The following KCND2 variants were observed in gnomAD, a reference collection of about 807,000 sequenced individuals.
KCND2 encodes the protein A-type voltage-gated potassium channel KCND2.
A neutral mutation model predicts 54.4 loss-of-function variants in KCND2; 16 were observed. The observed-to-expected ratio is 0.29, with a 90% CI of 0.20 to 0.45. The LOEUF is 0.45. Ranked by LOEUF, KCND2 falls within the 20% of genes least tolerant of loss-of-function variation. The pLI, the probability that KCND2 is intolerant of heterozygous loss-of-function variation, is 1.00. For synonymous variants in KCND2, 317 were observed against 310.7 expected (o/e 1.02, Z -0.21); for missense variants, 486 against 824.2 (o/e 0.59, Z 5.02).
At chr7:120,563,683 C>T (rs1383642764) in intron 1 of KCND2, among the ~76,000 whole-genome samples, 2 of 152,240 alleles carry the variant, frequency 1.3e-5, no homozygotes, top group South Asian at 4.1e-4. Context: ...CCAAACTGAA[C>T]CCTCACAGTA....
intron 1 of KCND2, among the ~76,000 whole-genome samples, chr7:120,496,478 GCAGTGGTGC>G (rs1802849366): frequency 6.6e-6 from 1 of 152,114 alleles, no homozygotes; most frequent in South Asian, 2.1e-4. Context: ...AGGCTGGAGT[GCAGTGGTGC>G]CATCTCGGCT....
intron 1 of KCND2, among the ~76,000 whole-genome samples, chr7:120,678,343 T>TTATATATATATATATATA (rs3067141): frequency 1.0e-4 from 12 of 120,272 alleles, no homozygotes; most frequent in East Asian, 5.6e-4. Context: ...GTATGATTAT[T>TTATATATATATATATATA]TATATATATA....
chr7:120,644,022 G>A (rs1159864496), intron 1 of KCND2, among the ~76,000 whole-genome samples: 1 of 151,828 alleles, frequency 6.6e-6, no homozygotes, highest in Non-Finnish European at 1.5e-5. Flanking sequence ...ATCTCAAAAT[G>A]AACTTTGGTG....
chr7:120,275,942 A>C (rs1018736474), intron 1 of KCND2, among the ~76,000 whole-genome samples, 195 bp downstream of exon 1: 1 of 152,196 alleles, frequency 6.6e-6, no homozygotes, highest in Non-Finnish European at 1.5e-5. Context: ...GTATTAAGGC[A>C]TTGCTGGCAA....
intron 1 of KCND2, among the ~76,000 whole-genome samples, chr7:120,410,481 C>G (rs144522549): frequency 6.6e-5 from 10 of 151,820 alleles, no homozygotes; most frequent in African/African-American, 1.9e-4. Context: ...ATAGTAGTAT[C>G]TTCATAATAG....
intron 1 of KCND2, among the ~76,000 whole-genome samples, chr7:120,572,094 T>C (rs1258177939): frequency 6.6e-6 from 1 of 152,192 alleles, no homozygotes; most frequent in Non-Finnish European, 1.5e-5. Context: ...AAAAGAACGA[T>C]TGCCTTGATC....
chr7:120,597,875 T>G (rs1792764903), intron 1 of KCND2, among the ~76,000 whole-genome samples: 1 of 152,164 alleles, frequency 6.6e-6, no homozygotes, highest in African/African-American at 2.4e-5. Context: ...AAACAGTCTG[T>G]GCTAAATTGC....
intron 1 of KCND2, among the ~76,000 whole-genome samples, chr7:120,418,640 C>T (rs985928727): frequency 1.9e-4 from 29 of 152,038 alleles, no homozygotes; most frequent in African/African-American, 7.0e-4. Flanking sequence ...TATTAGTTCC[C>T]AGGTGGTGTT....
At chr7:120,733,906 C>T (rs1792839566) in intron 2 of KCND2, among the ~76,000 whole-genome samples, 1 of 151,972 alleles carries the variant, frequency 6.6e-6, no homozygotes, top group Non-Finnish European at 1.5e-5. Context: ...TTAATGTTTA[C>T]TGATGGTTTA....
In KCND2 at chr7:120,274,228, C is replaced by G. The variant is rs1448994075; in HGVS notation, c.-405C>G. ...AGAATTCTATTGGGTGACTCTCGTTCGTCTTCTCTATCCTACACTCCACAT... is the reference window on the plus strand; with the variant it reads ...AGAATTCTATTGGGTGACTCTCGTTGGTCTTCTCTATCCTACACTCCACAT... On this transcript the variant is annotated 5_prime_UTR_variant, in exon 1 of 6. Transcript: ENST00000331113. The G allele has an allele frequency of 9.0e-6, 2 of 222,972 alleles. No homozygotes were observed. Among genetic ancestry groups the G allele is most frequent in the African/African-American group, 4.6e-5 (2 of 43,834 alleles). The allele number at this position is 222,972 out of a possible 1,614,324, so 13.8% of individuals were successfully genotyped here. A position where few individuals can be genotyped will look rare whatever the true frequency, so the allele number is the denominator to read the frequency against.
chr7:120,543,076 T>G (rs1359682164), intron 1 of KCND2, among the ~76,000 whole-genome samples: 2 of 152,104 alleles, frequency 1.3e-5, no homozygotes, highest in Non-Finnish European at 2.9e-5. Context: ...AAGGTTTTAT[T>G]AAGGAGATAA....
At chr7:120,439,050 C>T (rs1189833473) in intron 1 of KCND2, among the ~76,000 whole-genome samples, 1 of 151,996 alleles carries the variant, frequency 6.6e-6, no homozygotes, top group Admixed American at 6.6e-5. Flanking sequence ...TGATTCTTTG[C>T]TCTTTATATG....
In KCND2 at chr7:120,642,049, A is replaced by G. The variant is rs188977406; in HGVS notation, c.1116-90854A>G. The stretch of plus-strand genomic sequence containing the variant: ...TACTGAATAAAAATCTAATTAAAAC[A>G]TTTCTGGATGTTTGTTGTTGAAAGC... On this transcript the variant is annotated intron_variant, in intron 1 of 5. Coordinates refer to ENST00000331113, the MANE Select transcript of KCND2 (RefSeq NM_012281.3). Among the ~76,000 whole-genome samples, 503 of 151,998 alleles carry G rather than the reference A, an allele frequency of 3.3e-3. 2 individuals are homozygous for G. Among genetic ancestry groups the G allele is most frequent in the African/African-American group, 0.011 (467 of 41,482 alleles).
chr7:120,503,666 C>T, intron 1 of KCND2, among the ~76,000 whole-genome samples: 1 of 151,934 alleles, frequency 6.6e-6, no homozygotes, highest in East Asian at 1.9e-4. Flanking sequence ...CATAATTCCT[C>T]AGTATCCTCT....
At chr7:120,587,347 A>G (rs1021134029) in intron 1 of KCND2, among the ~76,000 whole-genome samples, 4 of 152,184 alleles carry the variant, frequency 2.6e-5, no homozygotes, top group African/African-American at 7.2e-5. Flanking sequence ...CGCAAATTCC[A>G]TTTACAACCT....
At position 120,338,243 on chromosome 7, in the gene KCND2, A is replaced by G. The variant is rs146985705; in HGVS notation, c.1115+62496A>G. ...AACTAAAATATGAAAAACCTTTACAATTCAGACATAGTGTTTGGGTTTTGT... is the reference window on the plus strand; with the variant it reads ...AACTAAAATATGAAAAACCTTTACAGTTCAGACATAGTGTTTGGGTTTTGT... On this transcript the variant is annotated intron_variant, in intron 1 of 5. Transcript: ENST00000331113. Among the ~76,000 whole-genome samples the G allele has an allele frequency of 2.4e-3, 360 of 152,276 alleles. 1 individual carries two copies. Among genetic ancestry groups the G allele is most frequent in the African/African-American group, 8.2e-3 (341 of 41,570 alleles).
chr7:120,699,070 G>A (rs762528224), intron 1 of KCND2, among the ~76,000 whole-genome samples: 17 of 152,016 alleles, frequency 1.1e-4, no homozygotes, highest in Admixed American at 2.0e-4. Flanking sequence ...CATGAGGTCA[G>A]GAGATCGAGA....
chr7:120,512,089 T>C (rs1219011168), intron 1 of KCND2, among the ~76,000 whole-genome samples: 2 of 152,264 alleles, frequency 1.3e-5, no homozygotes, highest in East Asian at 3.9e-4. Context: ...AATTGAGAGT[T>C]GATTGTGTTT....
At chr7:120,649,203 TTG>T (rs946581027) in intron 1 of KCND2, among the ~76,000 whole-genome samples, 36 of 152,188 alleles carry the variant, frequency 2.4e-4, no homozygotes, top group African/African-American at 8.7e-4. Flanking sequence ...ATATTTTGTC[TTG>T]TTTTTTTTTT....
Sources: gnomAD v4.1 joint callset for allele counts (sites outside exome capture counted in the v4.1 genomes callset) on GRCh38, gnomAD v4.1.1 for gene constraint, MANE v1.5 for transcripts, NCBI Gene and HGNC (gene_info 2026-07-23, HGNC 2026-07-21) for gene names.